OVCH2: variants seen among roughly 807,000 people sequenced by gnomAD.
The protein encoded by OVCH2 is ovochymase-2.
OVCH2 carries 88 observed loss-of-function variants against 73.7 expected under a neutral mutation model. That is an observed-to-expected ratio of 1.19 (90% confidence interval 1.01 to 1.43). The LOEUF is 1.43. Among genes scored for constraint, OVCH2 ranks in the 40% most tolerant of loss-of-function variants. OVCH2 has a pLI of 0.00. For missense variants in OVCH2, 706 were observed against 674.5 expected, an observed-to-expected ratio of 1.05 and a Z score of -0.52; for synonymous variants, 265 against 234.5, an observed-to-expected ratio of 1.13 and a Z score of -1.19.
rs1856452049 is a variant in OVCH2 at position 7,702,097 on chromosome 11, T to G, written c.463+60A>C. The stretch of plus-strand genomic sequence containing the variant: ...AACGTATACTGCAGGAAATGTGCTA[T>G]GGCACAGAGGTTATAGAGAACATGG... On this transcript the variant is annotated intron_variant, in intron 4 of 15. Transcript: ENST00000533663. 4.2e-6 allele frequency: 6 copies of G among 1,429,564 alleles called. No homozygotes were observed. The South Asian group carries it at 4.8e-5, about 12-fold the overall frequency. The allele number at this position is 1,429,564 out of a possible 1,614,324, so 88.6% of individuals were successfully genotyped here. A position where few individuals can be genotyped will look rare whatever the true frequency, so the allele number is the denominator to read the frequency against.
At chr11:7,701,835 C>T in intron 4 of OVCH2, 24 bp from the exon 5 acceptor site, 2 of 1,579,266 alleles carry the variant, frequency 1.3e-6, no homozygotes, top group African/African-American at 1.4e-5. Flanking sequence ...CAAGGTAGGG[C>T]TTGTCTCATT....
intron 8 of OVCH2, among the ~76,000 whole-genome samples, chr11:7,697,157 C>A (rs1486783273): frequency 6.6e-6 from 1 of 152,176 alleles, no homozygotes; most frequent in African/African-American, 2.4e-5. Flanking sequence ...CTGCTTCAGC[C>A]TGTCGGGCAG....
At chr11:7,700,106 G>A (rs942358248) in intron 7 of OVCH2, 190 bp downstream of exon 7, 1 of 583,706 alleles carries the variant, frequency 1.7e-6, no homozygotes, top group East Asian at 2.8e-5. Context: ...ATATCTGCAT[G>A]CTGCTCCACA....
At chr11:7,690,477 G>C (rs762947060) in intron 14 of OVCH2, among the ~76,000 whole-genome samples, 67 of 146,916 alleles carry the variant, frequency 4.6e-4, no homozygotes, top group Non-Finnish European at 7.2e-4. Flanking sequence ...ATGAGTCTGA[G>C]GTGACTCTTA....
intron 14 of OVCH2, among the ~76,000 whole-genome samples, 191 bp from the exon 15 acceptor site, chr11:7,690,204 T>C (rs1467735744): frequency 6.6e-6 from 1 of 152,250 alleles, no homozygotes; most frequent in African/African-American, 2.4e-5. Context: ...AGCTGCTTAA[T>C]ACCTAAAAAG....
At chr11:7,685,246 G>A (rs1296637652), downstream of OVCH2, among the ~76,000 whole-genome samples, 1 of 152,060 alleles carries the variant, frequency 6.6e-6, no homozygotes, top group East Asian at 1.9e-4. Flanking sequence ...AGAATGGGAG[G>A]GAGAAAAACC....
intron 13 of OVCH2, among the ~76,000 whole-genome samples, chr11:7,691,697 C>CA (rs1856224380): frequency 6.6e-6 from 1 of 152,152 alleles, no homozygotes; most frequent in African/African-American, 2.4e-5. Context: ...GGGCCTTTTG[C>CA]ATTTCTGTTT....
intron 13 of OVCH2, 101 bp downstream of exon 13, chr11:7,691,801 G>T (rs1365106624): frequency 3.5e-6 from 3 of 867,494 alleles, no homozygotes; most frequent in African/African-American, 1.7e-5. Flanking sequence ...TGGAGGTGGT[G>T]CAGGAAGATG....
chr11:7,704,942 T>C (rs1296880111), intron 1 of OVCH2, among the ~76,000 whole-genome samples: 2 of 152,168 alleles, frequency 1.3e-5, no homozygotes, highest in African/African-American at 2.4e-5. Context: ...AACTCCTCCC[T>C]CTTTATGTAA....
At chr11:7,680,133 C>T in the OVCH2 span, among the ~76,000 whole-genome samples, 3 of 152,338 alleles carry the variant, frequency 2.0e-5, no homozygotes, top group East Asian at 5.8e-4. Context: ...ATGGGAACCC[C>T]ACTTCATAGC....
chr11:7,704,450 G>A, intron 2 of OVCH2, 115 bp downstream of exon 2: 1 of 647,134 alleles, frequency 1.5e-6, no homozygotes, highest in Non-Finnish European at 2.6e-6. Flanking sequence ...TGACTATTCT[G>A]TCTTTCAACC....
chr11:7,692,513 T>C (rs781225699), intron 12 of OVCH2, among the ~76,000 whole-genome samples: 7 of 152,322 alleles, frequency 4.6e-5, no homozygotes, highest in South Asian at 2.1e-4. Flanking sequence ...GTTGCCACTA[T>C]ATTTCCATGC....
Position 7,697,306 on chromosome 11 carries a change from T to G in OVCH2, c.926-507A>C, listed in dbSNP as rs532060854. On this transcript the variant is annotated intron_variant, in intron 8 of 15. Coordinates refer to ENST00000533663, the MANE Select transcript of OVCH2 (RefSeq NM_198185.7). ...ATCCTCCCACCTGAGCCTCCCAAAT[T>G]GCTGTGATTACAGGCGTGAGCCACC... is the stretch of plus-strand genomic sequence containing the variant. Among the ~76,000 whole-genome samples, 22 of 152,336 alleles carry G rather than the reference T, an allele frequency of 1.4e-4. No homozygotes were observed. The South Asian group carries it at 4.1e-3, about 29-fold the overall frequency.
chr11:7,687,133 C>T (rs1355080032), downstream of OVCH2, among the ~76,000 whole-genome samples: 1 of 151,264 alleles, frequency 6.6e-6, no homozygotes, highest in Non-Finnish European at 1.5e-5. Flanking sequence ...GACCCCAACC[C>T]CGCAAAAAAA....
chr11:7,680,545 A>G, the OVCH2 span, among the ~76,000 whole-genome samples: 13 of 152,280 alleles, frequency 8.5e-5, no homozygotes, highest in South Asian at 2.7e-3. Context: ...CAGTGCCATA[A>G]CAGAAGCAGC....
At chr11:7,679,202 A>G in the OVCH2 span, among the ~76,000 whole-genome samples, 7 of 152,216 alleles carry the variant, frequency 4.6e-5, no homozygotes, top group African/African-American at 1.7e-4. Context: ...TGTGAAATAT[A>G]TATTTGGTCT....
At chr11:7,680,373 G>C in the OVCH2 span, among the ~76,000 whole-genome samples, 1 of 152,176 alleles carries the variant, frequency 6.6e-6, no homozygotes, top group East Asian at 1.9e-4. Context: ...TGATCATTGA[G>C]GGAAAGAACA....
At chr11:7,706,055 G>A (rs1274808675) in intron 1 of OVCH2, among the ~76,000 whole-genome samples, 3 of 152,072 alleles carry the variant, frequency 2.0e-5, no homozygotes, top group Non-Finnish European at 4.4e-5. Flanking sequence ...AGTTCACTTA[G>A]GAAAACTAAG....
At position 7,698,950 on chromosome 11, in the gene OVCH2, G is replaced by GTTTTAAAA. The variant is rs1341420306; in HGVS notation, c.902-185_902-178dup. 11 of 585,814 alleles carry GTTTTAAAA rather than the reference G, an allele frequency of 1.9e-5. No individual in the cohort carries two copies. The South Asian group carries it at 2.4e-4, about 13-fold the overall frequency. 36.3% of individuals were successfully genotyped at this position (585,814 alleles called of 1,614,324 possible). A position where few individuals can be genotyped will look rare whatever the true frequency, so the allele number is the denominator to read the frequency against. ...GATAAAGTAGGAAAGGGCCTCTGGT[G>GTTTTAAAA]TTTTAAAATGATTTAATTCTCTTTA... On this transcript the variant is annotated intron_variant, in intron 7 of 15. Transcript: ENST00000533663.
Sources: allele counts gnomAD v4.1 joint callset (sites outside exome capture counted in the v4.1 genomes callset), GRCh38; gene constraint gnomAD v4.1.1; transcripts MANE v1.5; gene names NCBI Gene and HGNC (gene_info 2026-07-23, HGNC 2026-07-21).